Variants in TENM3 observed in about 807,000 individuals in gnomAD.
The protein encoded by TENM3 is teneurin-3.
Under a neutral mutation model 255.1 loss-of-function variants are expected in TENM3, and 63 were observed. That is an observed-to-expected ratio of 0.25 (90% CI 0.20 to 0.30). The LOEUF is 0.30. Among genes scored for constraint, TENM3 ranks in the 10% least tolerant of loss-of-function variants. The probability of loss-of-function intolerance (pLI) is 1.00; values close to 1 mark genes in which losing one functional copy is unlikely to be tolerated. For missense variants in TENM3, 2,929 were observed against 3,461.1 expected (o/e 0.85, Z 3.86); for synonymous variants, 1,306 against 1,322.3 (o/e 0.99, Z 0.27).
the TENM3 span, among the ~76,000 whole-genome samples, chr4:182,099,392 A>G: frequency 6.6e-6 from 1 of 152,202 alleles, no homozygotes; most frequent in Admixed American, 6.5e-5. Flanking sequence ...GTAAAATATA[A>G]ATGTGAATTA....
chr4:182,561,981 T>TAGAC lies in TENM3; in HGVS notation c.512-38939_512-38936dup, dbSNP rs1288598581. ...TACTGTGTATATCCAGATAGATAGA[T>TAGAC]AGACAGATAGATAGATAGATAGATA... is the stretch of plus-strand genomic sequence containing the variant. On this transcript the variant is annotated intron_variant, in intron 3 of 27. Coordinates refer to ENST00000511685, the MANE Select transcript of TENM3 (RefSeq NM_001080477.4). 1.1e-3 allele frequency among the ~76,000 whole-genome samples: 144 copies of TAGAC among 128,338 alleles called. 1 individual carries two copies. The highest frequency in any genetic ancestry group is 3.7e-3 in the African/African-American group (126 of 34,284). The allele number at this position is 128,338 out of a possible 152,430, so 84.2% of individuals were successfully genotyped here.
At chr4:182,553,758 G>C (rs1028965687) in intron 3 of TENM3, among the ~76,000 whole-genome samples, 1 of 152,104 alleles carries the variant, frequency 6.6e-6, no homozygotes, top group Non-Finnish European at 1.5e-5. Context: ...TTGATAACTC[G>C]GGTTACTATC....
the TENM3 span, among the ~76,000 whole-genome samples, chr4:181,538,857 T>C: frequency 2.7e-3 from 407 of 152,326 alleles, 1 homozygote; most frequent in African/African-American, 9.3e-3. Context: ...TTGTTCTAAA[T>C]AAATCCTGAA....
chr4:182,370,507 C>A (rs1450365132), intron 3 of TENM3, among the ~76,000 whole-genome samples: 1 of 152,132 alleles, frequency 6.6e-6, no homozygotes, highest in African/African-American at 2.4e-5. Context: ...TTTTAATCAA[C>A]CTTTTTAAAA....
the TENM3 span, among the ~76,000 whole-genome samples, chr4:181,839,384 T>TATATATACAC: frequency 0.01 from 867 of 83,294 alleles, 45 homozygotes; most frequent in Middle Eastern, 0.026. Flanking sequence ...TATATATATA[T>TATATATACAC]ACACCTATAT....
chr4:182,163,685 A>G (rs1751509671), intron 1 of TENM3, among the ~76,000 whole-genome samples: 1 of 152,160 alleles, frequency 6.6e-6, no homozygotes, highest in Non-Finnish European at 1.5e-5. Flanking sequence ...CTTATTGTAA[A>G]TGTGGCACAA....
At chr4:182,428,111 G>A (rs1285334268) in intron 3 of TENM3, among the ~76,000 whole-genome samples, 3 of 152,138 alleles carry the variant, frequency 2.0e-5, no homozygotes, top group African/African-American at 7.2e-5. Flanking sequence ...TGAGTAAATA[G>A]TAATTAATCA....
the TENM3 span, among the ~76,000 whole-genome samples, chr4:181,625,952 G>A: frequency 2.5e-4 from 38 of 152,224 alleles, no homozygotes; most frequent in Admixed American, 2.5e-3. Flanking sequence ...TTTTTACTGT[G>A]GACATTTATT....
intron 22 of TENM3, among the ~76,000 whole-genome samples, chr4:182,771,821 G>T (rs866585760): frequency 2.6e-5 from 4 of 152,166 alleles, no homozygotes; most frequent in Admixed American, 6.5e-5. Flanking sequence ...GTTTGGGTTG[G>T]TGGGGAGGAC....
the TENM3 span, among the ~76,000 whole-genome samples, chr4:181,497,500 G>T: frequency 6.6e-6 from 1 of 152,148 alleles, no homozygotes; most frequent in Non-Finnish European, 1.5e-5. Flanking sequence ...ACATAAGTTT[G>T]TTGTGGCTGC....
chr4:181,752,547 A>G, the TENM3 span, among the ~76,000 whole-genome samples: 10 of 152,052 alleles, frequency 6.6e-5, no homozygotes, highest in South Asian at 2.1e-4. Context: ...GCGAGAATCC[A>G]TTTCAAAAAA....
chr4:181,547,945 G>GCTAT, the TENM3 span, among the ~76,000 whole-genome samples: 1 of 151,930 alleles, frequency 6.6e-6, no homozygotes, highest in East Asian at 1.9e-4. Context: ...ATCTCCTAAT[G>GCTAT]CTATCCCTCC....
chr4:181,761,402 A>G, the TENM3 span, among the ~76,000 whole-genome samples: 1 of 152,166 alleles, frequency 6.6e-6, no homozygotes, highest in African/African-American at 2.4e-5. Flanking sequence ...GTGCACAATA[A>G]GATAAGCACT....
At chr4:181,919,800 G>A in the TENM3 span, among the ~76,000 whole-genome samples, 4,583 of 151,482 alleles carry the variant, frequency 0.03, 86 homozygotes, top group South Asian at 0.044. Context: ...AGTTACATAT[G>A]TATACATGTG....
the TENM3 span, among the ~76,000 whole-genome samples, chr4:181,473,852 A>C: frequency 7.3e-6 from 1 of 137,130 alleles, no homozygotes; most frequent in Admixed American, 8.8e-5. Context: ...TATATACAGT[A>C]TATATTCTGT....
chr4:181,836,083 C>T, the TENM3 span, among the ~76,000 whole-genome samples: 1 of 151,936 alleles, frequency 6.6e-6, no homozygotes, highest in African/African-American at 2.4e-5. Context: ...ACTGCGAGCT[C>T]CTTGAGGACA....
At chr4:181,555,608 C>G in the TENM3 span, among the ~76,000 whole-genome samples, 12 of 152,126 alleles carry the variant, frequency 7.9e-5, no homozygotes, top group Admixed American at 2.6e-4. Flanking sequence ...AACAAGTATC[C>G]TTAATGCCTC....
the TENM3 span, among the ~76,000 whole-genome samples, chr4:181,888,722 G>C: frequency 6.7e-6 from 1 of 149,602 alleles, no homozygotes; most frequent in Non-Finnish European, 1.5e-5. Context: ...CAGGAAAGCC[G>C]GTGGTTCAGT....
chr4:182,458,233 A>T (rs1015791070), intron 3 of TENM3, among the ~76,000 whole-genome samples: 12 of 152,212 alleles, frequency 7.9e-5, no homozygotes, highest in African/African-American at 2.9e-4. Flanking sequence ...TTAATAGATT[A>T]TGCTTTTATT....
Sources: gnomAD v4.1 joint callset for allele counts (sites outside exome capture counted in the v4.1 genomes callset) on GRCh38, gnomAD v4.1.1 for gene constraint, MANE v1.5 for transcripts, NCBI Gene and HGNC (gene_info 2026-07-23, HGNC 2026-07-21) for gene names.